Variants in MGAT4C observed in about 807,000 individuals in gnomAD.
The protein encoded by MGAT4C is alpha-1,3-mannosyl-glycoprotein 4-beta-N-acetylglucosaminyltransferase C.
A neutral mutation model predicts 40.1 loss-of-function variants in MGAT4C; 19 were observed. That is an observed-to-expected ratio of 0.47 (90% CI 0.33 to 0.70). The LOEUF (loss-of-function observed/expected upper bound fraction) is 0.70. Among genes scored for constraint, MGAT4C ranks in the 30% least tolerant of loss-of-function variants. MGAT4C has a pLI of 0.02. For synonymous variants in MGAT4C, 181 were observed against 187.1 expected (o/e 0.97, Z 0.27); for missense variants, 491 against 563.2 (o/e 0.87, Z 1.30).
At chr12:86,141,559 T>C (rs1276454770) in intron 1 of MGAT4C, among the ~76,000 whole-genome samples, 1 of 152,156 alleles carries the variant, frequency 6.6e-6, no homozygotes, top group East Asian at 1.9e-4. Context: ...TATACCTTAC[T>C]ATTGTATGGG....
intron 1 of MGAT4C, among the ~76,000 whole-genome samples, chr12:86,824,070 C>G (rs967656308): frequency 6.6e-6 from 1 of 151,214 alleles, no homozygotes; most frequent in Non-Finnish European, 1.5e-5. Context: ...ACCATCCTAC[C>G]CAGAGCATAA....
rs1156628185 is a variant in MGAT4C, at chr12:86,356,618, C to T, written c.-119-22491G>A. Among the ~76,000 whole-genome samples, 6 of 152,272 alleles carry T rather than the reference C, an allele frequency of 3.9e-5. No homozygotes were observed. In the East Asian group the frequency reaches 1.2e-3, roughly 29 times the overall value. On this transcript the variant is annotated intron_variant, in intron 3 of 7. Coordinates refer to the MGAT4C transcript ENST00000548651. ...GTACCTGGAAAATCGGATCACTCCC[C>T]ACCCTAATACTGGGCTTTTCCAAGG...
At chr12:86,780,564 A>T (rs542549956) in intron 1 of MGAT4C, among the ~76,000 whole-genome samples, 1 of 152,088 alleles carries the variant, frequency 6.6e-6, no homozygotes, top group African/African-American at 2.4e-5. Context: ...CCATCGTAAG[A>T]TGTGCATGGA....
intron 4 of MGAT4C, among the ~76,000 whole-genome samples, chr12:86,278,744 C>A (rs557594778): frequency 3.9e-5 from 6 of 152,024 alleles, no homozygotes; most frequent in African/African-American, 1.4e-4. Context: ...TGTTGAATAA[C>A]TGTGGTCAAA....
chr12:86,199,850 T>A (rs1949972856), intron 1 of MGAT4C, among the ~76,000 whole-genome samples: 1 of 152,142 alleles, frequency 6.6e-6, no homozygotes, highest in South Asian at 2.1e-4. Flanking sequence ...TGCCAATGAA[T>A]ATTTTATACA....
chr12:86,457,961 T>A (rs1957537006), intron 2 of MGAT4C, among the ~76,000 whole-genome samples: 1 of 152,086 alleles, frequency 6.6e-6, no homozygotes, highest in Admixed American at 6.5e-5. Context: ...AATTTTTTAA[T>A]TTGATAATTT....
intron 1 of MGAT4C, among the ~76,000 whole-genome samples, chr12:86,770,007 TATA>T (rs1314854854): frequency 1.3e-5 from 2 of 151,788 alleles, no homozygotes; most frequent in East Asian, 1.9e-4. Context: ...AAACTGAAAG[TATA>T]ATAATAATAA....
intron 4 of MGAT4C, among the ~76,000 whole-genome samples, chr12:86,301,886 T>A (rs143858122): frequency 1.3e-5 from 2 of 152,376 alleles, no homozygotes; most frequent in African/African-American, 4.8e-5. Flanking sequence ...CTTATATTAA[T>A]GGAATCTTAG....
intron 1 of MGAT4C, among the ~76,000 whole-genome samples, chr12:86,728,915 CCTA>C (rs1366517367): frequency 1.3e-5 from 2 of 152,058 alleles, no homozygotes; most frequent in African/African-American, 4.8e-5. Flanking sequence ...TTCAAATACA[CCTA>C]CTTATTTAAT....
intron 2 of MGAT4C, among the ~76,000 whole-genome samples, chr12:86,587,211 TC>T (rs1431360473): frequency 6.6e-6 from 1 of 151,972 alleles, no homozygotes; most frequent in Non-Finnish European, 1.5e-5. Flanking sequence ...AAATAGGGAA[TC>T]CTTTCCCCAT....
chr12:86,305,302 G>A (rs1953906677), intron 4 of MGAT4C, among the ~76,000 whole-genome samples: 1 of 149,944 alleles, frequency 6.7e-6, no homozygotes, highest in Non-Finnish European at 1.5e-5. Flanking sequence ...AGCCGGGCAT[G>A]GTGGCGCATG....
At chr12:86,136,545 GA>G (rs1881979070) in intron 1 of MGAT4C, among the ~76,000 whole-genome samples, 1 of 152,100 alleles carries the variant, frequency 6.6e-6, no homozygotes, top group South Asian at 2.1e-4. Context: ...TATGCAATGT[GA>G]AAGAGTTGGT....
intron 1 of MGAT4C, among the ~76,000 whole-genome samples, chr12:86,102,378 T>A (rs1419787357): frequency 6.6e-6 from 1 of 152,024 alleles, no homozygotes; most frequent in East Asian, 1.9e-4. Flanking sequence ...CAGTAATATA[T>A]GTTATGTAAA....
chr12:86,281,664 T>C (rs770204340), intron 4 of MGAT4C, among the ~76,000 whole-genome samples: 1 of 152,052 alleles, frequency 6.6e-6, no homozygotes, highest in Non-Finnish European at 1.5e-5. Flanking sequence ...GATACAGGCA[T>C]AACCCATTAT....
chr12:85,998,101 C>T (rs955104141), intron 2 of MGAT4C, among the ~76,000 whole-genome samples: 1 of 152,230 alleles, frequency 6.6e-6, no homozygotes, highest in African/African-American at 2.4e-5. Context: ...CATGCACTCT[C>T]AGGCTCAATA....
At chr12:86,424,480 T>A (rs912669416) in intron 3 of MGAT4C, among the ~76,000 whole-genome samples, 2 of 152,104 alleles carry the variant, frequency 1.3e-5, no homozygotes, top group Non-Finnish European at 2.9e-5. Flanking sequence ...TATTTAACTG[T>A]TAGGATTCAA....
At chr12:86,454,341 C>T (rs1957475314) in intron 2 of MGAT4C, among the ~76,000 whole-genome samples, 1 of 152,074 alleles carries the variant, frequency 6.6e-6, no homozygotes, top group African/African-American at 2.4e-5. Context: ...AATTCTCCCA[C>T]CTCAGCCTTT....
chr12:86,083,211 T>C (rs1871163594), intron 1 of MGAT4C, among the ~76,000 whole-genome samples: 1 of 152,048 alleles, frequency 6.6e-6, no homozygotes, highest in Non-Finnish European at 1.5e-5. Context: ...CATCTCCTCT[T>C]CATTCATAGG....
chr12:86,165,422 T>C (rs1566077529), intron 1 of MGAT4C, among the ~76,000 whole-genome samples: 1 of 152,130 alleles, frequency 6.6e-6, no homozygotes, highest in Non-Finnish European at 1.5e-5. Flanking sequence ...TAACACATTA[T>C]CCTACAGTAT....
Sources: gnomAD v4.1 joint callset for allele counts (sites outside exome capture counted in the v4.1 genomes callset) on GRCh38, gnomAD v4.1.1 for gene constraint, MANE v1.5 for transcripts, NCBI Gene and HGNC (gene_info 2026-07-23, HGNC 2026-07-21) for gene names.